Variants in ABL1 observed in about 807,000 individuals in gnomAD.
ABL1 encodes tyrosine-protein kinase ABL1.
Under a neutral mutation model 94.7 loss-of-function variants are expected in ABL1, and 11 were observed. That is an observed-to-expected ratio of 0.12 (90% CI 0.07 to 0.19). The LOEUF (loss-of-function observed/expected upper bound fraction) is 0.19. ABL1 is among the 10% of genes least tolerant of loss of function. The probability of loss-of-function intolerance (pLI) is 1.00; values close to 1 mark genes in which losing one functional copy is unlikely to be tolerated. For missense variants in ABL1, 1,082 were observed against 1,489.4 expected (o/e 0.73, Z 4.50); for synonymous variants, 656 against 622.4 (o/e 1.05, Z -0.80).
intron 3 of ABL1, among the ~76,000 whole-genome samples, chr9:130,860,769 A>C (rs971061624): frequency 1.3e-5 from 2 of 152,058 alleles, no homozygotes; most frequent in African/African-American, 4.8e-5. Flanking sequence ...TCATCAGCTG[A>C]GCTAACGTGA....
upstream of ABL1, among the ~76,000 whole-genome samples, chr9:130,831,850 C>T (rs1317332536): frequency 1.3e-5 from 2 of 152,110 alleles, no homozygotes; most frequent in Admixed American, 1.3e-4. Flanking sequence ...CTCAGGTGAT[C>T]GCCCACCTTA....
chr9:130,795,002 G>C (rs1829956168), intron 1 of ABL1, among the ~76,000 whole-genome samples: 2 of 152,110 alleles, frequency 1.3e-5, no homozygotes, highest in African/African-American at 2.4e-5. Context: ...ATAAATAGTA[G>C]ATTAATCTCC....
chr9:130,872,950 A>C lies in ABL1; in HGVS notation c.998A>C (p.Gln333Pro). Residue 333 changes from glutamine to proline, a missense_variant, in exon 6 of 11, where the codon CAG (glutamine) becomes CCG (proline). By Grantham distance (76) the Gln-to-Pro change is moderately conservative. Transcript: ENST00000318560. This position sits in a 1 kb window ranked among gnomAD's most constrained non-coding sequence, Gnocchi z 5.0. ...LLDYLRECNR[Q>P]EVNAVVLLYM... ...GACTACCTGAGGGAGTGCAACCGGCAGGAGGTGAACGCCGTGGTGCTGCTG... is the reference window on the plus strand; with the variant it reads ...GACTACCTGAGGGAGTGCAACCGGCCGGAGGTGAACGCCGTGGTGCTGCTG... The C allele has an allele frequency of 6.2e-7, 1 of 1,614,212 alleles. No individual in the cohort carries two copies. The highest frequency in any genetic ancestry group is 1.6e-4 in the Middle Eastern group (1 of 6,062).
chr9:130,787,662 C>T (rs1015590796), intron 1 of ABL1, among the ~76,000 whole-genome samples: 2 of 152,176 alleles, frequency 1.3e-5, no homozygotes, highest in African/African-American at 2.4e-5. Context: ...GCTCTGCTCC[C>T]AGTCGTCGTC....
intron 1 of ABL1, among the ~76,000 whole-genome samples, chr9:130,735,489 T>A (rs1165909365): frequency 1.3e-5 from 2 of 151,878 alleles, no homozygotes; most frequent in African/African-American, 4.8e-5. Flanking sequence ...TTTTTTTTTT[T>A]ATCCTTCCAG....
At chr9:130,772,580 G>A (rs1832265583) in intron 1 of ABL1, among the ~76,000 whole-genome samples, 3 of 152,208 alleles carry the variant, frequency 2.0e-5, no homozygotes, top group Admixed American at 1.3e-4. Flanking sequence ...GGTGGGAGAA[G>A]AGGAGGAGAC....
chr9:130,747,190 CA>C (rs1474633525), intron 1 of ABL1, among the ~76,000 whole-genome samples: 1 of 152,084 alleles, frequency 6.6e-6, no homozygotes, highest in Non-Finnish European at 1.5e-5. Context: ...GCCTGGGCAA[CA>C]TGGTGAAACC....
At chr9:130,843,638 A>G (rs914100253) in intron 1 of ABL1, among the ~76,000 whole-genome samples, 1 of 152,046 alleles carries the variant, frequency 6.6e-6, no homozygotes, top group African/African-American at 2.4e-5. Context: ...AAGGAGAAGC[A>G]TCCTGTTGTG....
intron 1 of ABL1, among the ~76,000 whole-genome samples, chr9:130,828,092 T>G (rs1830448966): frequency 6.6e-6 from 1 of 152,010 alleles, no homozygotes; most frequent in African/African-American, 2.4e-5. Flanking sequence ...TTTATTTATT[T>G]ATTTATTTAT....
At chr9:130,803,361 T>G (rs1030408938) in intron 1 of ABL1, among the ~76,000 whole-genome samples, 2 of 152,216 alleles carry the variant, frequency 1.3e-5, no homozygotes, top group African/African-American at 4.8e-5. Context: ...ATTCATAGTT[T>G]CCTGGCTTCT....
At chr9:130,771,924 T>A (rs1362622383) in intron 1 of ABL1, among the ~76,000 whole-genome samples, 1 of 151,996 alleles carries the variant, frequency 6.6e-6, no homozygotes, top group East Asian at 1.9e-4. Context: ...CAGCTAAGTT[T>A]TGTATTTTCA....
intron 1 of ABL1, among the ~76,000 whole-genome samples, chr9:130,762,760 A>G (rs1564283211): frequency 1.3e-5 from 2 of 151,936 alleles, no homozygotes; most frequent in South Asian, 4.2e-4. Context: ...AAATACAAAA[A>G]ATTGGCCGGG....
chr9:130,830,390 A>T (rs1347511992), upstream of ABL1, among the ~76,000 whole-genome samples: 1 of 152,192 alleles, frequency 6.6e-6, no homozygotes, highest in Non-Finnish European at 1.5e-5. Context: ...TTAGGCCCCC[A>T]TTCAAGATGC....
chr9:130,875,794 C>CTTCCTTCCT (rs1831330538), intron 7 of ABL1, among the ~76,000 whole-genome samples: 1 of 151,942 alleles, frequency 6.6e-6, no homozygotes, highest in Non-Finnish European at 1.5e-5. Context: ...CATTTATTTC[C>CTTCCTTCCT]TTCCTTCCTT....
intron 1 of ABL1, among the ~76,000 whole-genome samples, chr9:130,731,818 T>C (rs187522940): frequency 6.6e-6 from 1 of 151,872 alleles, no homozygotes; most frequent in East Asian, 1.9e-4. Flanking sequence ...TTTTCTTCTC[T>C]GATTGCACTA....
chr9:130,835,051 C>CCGCGGGCCGCG (rs1554767240), upstream of ABL1: 9 of 324,210 alleles, frequency 2.8e-5, no homozygotes, highest in Admixed American at 3.8e-4. The surrounding 1 kb of genome is among the most constrained non-coding windows in gnomAD (Gnocchi z 4.6). Context: ...AGAAAGACCT[C>CCGCGGGCCGCG]CGCGGGCCGC....
chr9:130,804,090 C>T (rs1830091820), intron 1 of ABL1, among the ~76,000 whole-genome samples: 1 of 151,966 alleles, frequency 6.6e-6, no homozygotes, highest in Non-Finnish European at 1.5e-5. Flanking sequence ...GACACAGTTG[C>T]TCACGCCTGT....
chr9:130,727,650 G>T (rs1831603598), intron 1 of ABL1, among the ~76,000 whole-genome samples: 1 of 151,582 alleles, frequency 6.6e-6, no homozygotes, highest in Non-Finnish European at 1.5e-5. Context: ...TAGCTACTCG[G>T]GAGGCTGAGG....
chr9:130,728,269 T>C (rs1348773951), intron 1 of ABL1, among the ~76,000 whole-genome samples: 1 of 130,542 alleles, frequency 7.7e-6, no homozygotes, highest in Non-Finnish European at 1.5e-5. Context: ...GGTTTCATCA[T>C]GTTACCCAGG....
Sources: gnomAD v4.1 joint callset for allele counts (sites outside exome capture counted in the v4.1 genomes callset) on GRCh38, gnomAD v4.1.1 for gene constraint, Gnocchi (gnomAD v3.1) non-coding constraint, MANE v1.5 for transcripts, NCBI Gene and HGNC (gene_info 2026-07-23, HGNC 2026-07-21) for gene names.